The following CUL9 variants were observed in gnomAD, a reference collection of about 807,000 sequenced individuals.
CUL9 encodes cullin-9.
Under a neutral mutation model 272.6 loss-of-function variants are expected in CUL9, and 79 were observed. That is an observed-to-expected ratio of 0.29 (90% CI 0.24 to 0.35). The LOEUF is 0.35. Ranked by LOEUF, CUL9 falls within the 10% of genes least tolerant of loss-of-function variation. The pLI is 1.00. For synonymous variants in CUL9, 1,186 were observed against 1,286.5 expected (o/e 0.92, Z 1.67); for missense variants, 2,532 against 3,255.6 (o/e 0.78, Z 5.41).
rs778228532 is a variant in CUL9 at position 43,200,883 on chromosome 6, C to G, written c.3647+49C>G. ...TTCTGCTGTGCCCCAGGATACTTCC[C>G]CAAAGCACCCAGATACACACAACCC... On this transcript the variant is annotated intron_variant, in intron 16 of 40. Transcript: ENST00000252050. This position sits in a 1 kb window ranked among gnomAD's most constrained non-coding sequence, Gnocchi z 4.0. The G allele has an allele frequency of 1.2e-6, 2 of 1,606,384 alleles. No individual in the cohort carries two copies. Among genetic ancestry groups the G allele is most frequent in the Non-Finnish European group, 1.7e-6 (2 of 1,173,982 alleles).
At chr6:43,182,977 C>T (rs1772552708) in intron 1 of CUL9, among the ~76,000 whole-genome samples, 1 of 152,182 alleles carries the variant, frequency 6.6e-6, no homozygotes, top group Non-Finnish European at 1.5e-5. Flanking sequence ...TTACTGAACA[C>T]TCTTTATGTG....
chr6:43,199,846 T>A lies in CUL9; in HGVS notation c.3157-83T>A. ...GTCTCCACAATCTCAGCCACGACAC[T>A]TCCTTTACTGAACCCTCTCCTCAAT... On this transcript the variant is annotated intron_variant, in intron 13 of 40. Transcript: ENST00000252050. The surrounding 1 kb of genome is among the most constrained non-coding windows in gnomAD (Gnocchi z 4.4). 2 of 1,139,762 alleles carry A rather than the reference T, an allele frequency of 1.8e-6. No individual in the cohort carries two copies. 70.6% of individuals were successfully genotyped at this position (1,139,762 alleles called of 1,614,324 possible). A position where few individuals can be genotyped will look rare whatever the true frequency, so the allele number is the denominator to read the frequency against.
intron 16 of CUL9, 25 bp from the exon 17 acceptor site, chr6:43,202,691 G>T: frequency 6.2e-7 from 1 of 1,606,924 alleles, no homozygotes. Flanking sequence ...GCCCAGCTTT[G>T]ACTGTTTCCT....
At chr6:43,182,831 T>G (rs182720316) in intron 1 of CUL9, among the ~76,000 whole-genome samples, 34 of 152,322 alleles carry the variant, frequency 2.2e-4, no homozygotes, top group African/African-American at 7.7e-4. Context: ...CACTATTCCC[T>G]GTTGCCCCTG....
At chr6:43,214,160 CTG>C (rs1775745932) in intron 29 of CUL9, among the ~76,000 whole-genome samples, 1 of 152,256 alleles carries the variant, frequency 6.6e-6, no homozygotes, top group South Asian at 2.1e-4. Flanking sequence ...TGGCTCATAT[CTG>C]TGATCCTAGC....
chr6:43,198,289 A>G (rs1253849510), intron 11 of CUL9: 1 of 983,872 alleles, frequency 1.0e-6, no homozygotes, highest in Non-Finnish European at 1.2e-6. Flanking sequence ...ACCTAAAGCC[A>G]CCATGCAGGT....
At position 43,223,119 on chromosome 6, in the gene CUL9, G is replaced by C; in HGVS notation, c.7151-145G>C. 1 of 1,231,310 alleles carries C rather than the reference G, an allele frequency of 8.1e-7. No individual in the cohort carries two copies. The highest frequency in any genetic ancestry group is 1.6e-5 in the South Asian group (1 of 63,946). The allele number at this position is 1,231,310 out of a possible 1,614,324, so 76.3% of individuals were successfully genotyped here. A position where few individuals can be genotyped will look rare whatever the true frequency, so the allele number is the denominator to read the frequency against. ...GTTCGTGGATGTTTCTTGGTTTCTG[G>C]TCTTTACCCTGCTCCCCTAGGGAGC... On this transcript the variant is annotated intron_variant, in intron 38 of 40. Coordinates refer to ENST00000252050, the MANE Select transcript of CUL9 (RefSeq NM_015089.4). This position sits in a 1 kb window ranked among gnomAD's most constrained non-coding sequence, Gnocchi z 4.1.
Position 43,213,752 on chromosome 6 carries a change from GGGAGGCCCTGT to G in CUL9, c.5531_5541del (p.Glu1844AlafsTer14). 3 of 1,613,908 alleles carry G rather than the reference GGGAGGCCCTGT, an allele frequency of 1.9e-6. No homozygotes were observed. The highest frequency in any genetic ancestry group is 2.5e-6 in the Non-Finnish European group (3 of 1,180,028). ...CATGAGCCTGGGCCCCAGCGCAGTG[GGGAGGCCCTGT>G]GGCTGATACCTCCCCAGGCATACCT... On this transcript the variant is annotated frameshift_variant, in exon 29 of 41. Transcript: ENST00000252050. LOFTEE classifies it high-confidence loss of function. This position sits in a 1 kb window ranked among gnomAD's most constrained non-coding sequence, Gnocchi z 5.7.
chr6:43,216,395 C>T lies in CUL9; in HGVS notation c.6174C>T (p.His2058=). ...PLLLAAGLCV[H]QAQAVPVRPD... is the part of the protein sequence containing the mutation. ...TGCTGGCAGCTGGGCTGTGCGTACACCAGGCTCAGGCTGTACCCGTACGGC... is the reference window on the plus strand; with the variant it reads ...TGCTGGCAGCTGGGCTGTGCGTACATCAGGCTCAGGCTGTACCCGTACGGC... The change falls in exon 31 of 41, where the codon CAC becomes CAT. Residue 2058 remains histidine (H), a synonymous_variant. Transcript: ENST00000252050. 1.2e-6 allele frequency: 2 copies of T among 1,614,046 alleles called. No individual in the cohort carries two copies. Among genetic ancestry groups the T allele is most frequent in the Non-Finnish European group, 1.7e-6 (2 of 1,179,950 alleles).
rs953563646 is a variant in CUL9 at position 43,199,201 on chromosome 6, G to T, written c.3051-65G>T. ...TCCGCCCACTTCGGCCTCCCAAAGT[G>T]CTGGGATTACAGGCATGAGCCACTG... is the stretch of plus-strand genomic sequence containing the variant. On this transcript the variant is annotated intron_variant, in intron 12 of 40. Coordinates refer to ENST00000252050, the MANE Select transcript of CUL9 (RefSeq NM_015089.4). This position sits in a 1 kb window ranked among gnomAD's most constrained non-coding sequence, Gnocchi z 4.4. The T allele has an allele frequency of 7.3e-7, 1 of 1,360,822 alleles. No individual in the cohort carries two copies. Among genetic ancestry groups the T allele is most frequent in the Non-Finnish European group, 1.0e-6 (1 of 954,156 alleles). 84.3% of individuals were successfully genotyped at this position (1,360,822 alleles called of 1,614,324 possible). A position where few individuals can be genotyped will look rare whatever the true frequency, so the allele number is the denominator to read the frequency against.
intron 20 of CUL9, 61 bp from the exon 21 acceptor site, chr6:43,204,299 C>A (rs1774869831): frequency 1.3e-6 from 2 of 1,581,892 alleles, no homozygotes; most frequent in African/African-American, 1.3e-5. Context: ...CCCTCCTCTG[C>A]CCTGAGCTGT....
chr6:43,216,103 G>A, intron 30 of CUL9, 55 bp from the exon 31 acceptor site: 1 of 1,522,880 alleles, frequency 6.6e-7, no homozygotes, highest in Non-Finnish European at 9.0e-7. Context: ...GGTTCAGTTA[G>A]TAGGCTGGAT....
chr6:43,184,523 G>A lies in CUL9; in HGVS notation c.213G>A (p.Glu71=). 1 of 1,612,740 alleles carries A rather than the reference G, an allele frequency of 6.2e-7. No homozygotes were observed. Among genetic ancestry groups the A allele is most frequent in the Non-Finnish European group, 8.5e-7 (1 of 1,178,996 alleles). Residue 71 remains glutamate, a synonymous_variant, in exon 2 of 41, where the codon GAG becomes GAA. Coordinates refer to ENST00000252050, the MANE Select transcript of CUL9 (RefSeq NM_015089.4). The surrounding 1 kb of genome is among the most constrained non-coding windows in gnomAD (Gnocchi z 4.8). ...TCCTCATGTGGCTGTCGGCTCCTGA[G>A]GTCTACGCCAACTGCCCTGGGCTGT... ...EHILMWLSAP[E]VYANCPGLLG...
intron 29 of CUL9, 103 bp from the exon 30 acceptor site, chr6:43,214,976 T>TA (rs141257123): frequency 1.4e-3 from 1,834 of 1,325,366 alleles, no homozygotes; most frequent in East Asian, 3.4e-3. Context: ...GACTGTCTCT[T>TA]AAAAAAAAAG....
chr6:43,221,975 G>C lies in CUL9; in HGVS notation c.6846+197G>C. 5.0e-6 allele frequency: 3 copies of C among 605,054 alleles called. No individual in the cohort carries two copies. The highest frequency in any genetic ancestry group is 8.7e-6 in the Non-Finnish European group (3 of 343,280). 37.5% of individuals were successfully genotyped at this position (605,054 alleles called of 1,614,324 possible). On this transcript the variant is annotated intron_variant, in intron 35 of 40. Coordinates refer to ENST00000252050, the MANE Select transcript of CUL9 (RefSeq NM_015089.4). This position sits in a 1 kb window ranked among gnomAD's most constrained non-coding sequence, Gnocchi z 4.2. ...CTGTTCACAGGGACCTTCAGCTCCA[G>C]AACAGGACTTCTCATACCGAGGTGG...
intron 11 of CUL9, among the ~76,000 whole-genome samples, chr6:43,197,694 G>A (rs1318409391): frequency 1.3e-5 from 2 of 152,196 alleles, no homozygotes; most frequent in South Asian, 4.1e-4. Flanking sequence ...ATGTTGGTCA[G>A]GCCGGTTTTG....
At chr6:43,183,211 A>T (rs951702371) in intron 1 of CUL9, among the ~76,000 whole-genome samples, 2 of 152,060 alleles carry the variant, frequency 1.3e-5, no homozygotes, top group African/African-American at 4.8e-5. Context: ...CCTACCTTTA[A>T]CCCCATGATT....
In CUL9 at chr6:43,220,838, G is replaced by A. The variant is rs772431379; in HGVS notation, c.6515G>A (p.Arg2172His). ...NPQGCDRILC[R>H]QGLGCGTTCS... ...CAGGGCTGCGACCGCATCCTGTGCCGCCAGGGCCTGGGCTGTGGGACCACC... is the reference window on the plus strand; with the variant it reads ...CAGGGCTGCGACCGCATCCTGTGCCACCAGGGCCTGGGCTGTGGGACCACC... The change falls in exon 33 of 41, where the codon CGC becomes CAC. Residue 2172 changes from arginine (R) to histidine (H), a missense_variant. Physicochemically the swap from Arg to His is conservative, Grantham distance 29 (BLOSUM62 0). This residue lies in a region of CUL9 where 77 missense variants were observed against 161.1 expected (regional missense o/e 0.48). Transcript: ENST00000252050. The surrounding 1 kb of genome is among the most constrained non-coding windows in gnomAD (Gnocchi z 4.9). The A allele has an allele frequency of 6.2e-6, 10 of 1,613,428 alleles. No homozygotes were observed. The highest frequency in any genetic ancestry group is 6.8e-6 in the Non-Finnish European group (8 of 1,179,962).
Position 43,203,717 on chromosome 6 carries a change from A to G in CUL9, c.4025+125A>G. ...AGGACATGAGGGGGAAGGTGAACGTAGGTGAGAAGTTTGTGTTAATTGGGA... is the reference window on the plus strand; with the variant it reads ...AGGACATGAGGGGGAAGGTGAACGTGGGTGAGAAGTTTGTGTTAATTGGGA... On this transcript the variant is annotated intron_variant, in intron 19 of 40. Transcript: ENST00000252050. This position sits in a 1 kb window ranked among gnomAD's most constrained non-coding sequence, Gnocchi z 5.0. 1 of 1,505,182 alleles carries G rather than the reference A, an allele frequency of 6.6e-7. No individual in the cohort carries two copies. Among genetic ancestry groups the G allele is most frequent in the South Asian group, 1.3e-5 (1 of 77,840 alleles). The allele number at this position is 1,505,182 out of a possible 1,614,324, so 93.2% of individuals were successfully genotyped here.
Sources: gnomAD v4.1 joint callset for allele counts (sites outside exome capture counted in the v4.1 genomes callset) on GRCh38, gnomAD v4.1.1 for gene constraint, gnomAD v4.1.1 regional missense constraint, Gnocchi (gnomAD v3.1) non-coding constraint, MANE v1.5 for transcripts, NCBI Gene and HGNC (gene_info 2026-07-23, HGNC 2026-07-21) for gene names.